Variants in CCDC185 observed in about 807,000 individuals in gnomAD.
The protein encoded by CCDC185 is coiled-coil domain containing 185.
For synonymous variants in CCDC185, 381 were observed against 348.1 expected (o/e 1.09, Z -1.05); for missense variants, 982 against 825.3 (o/e 1.19, Z -2.33).
In CCDC185 at chr1:223,393,678, C is replaced by T. The variant is rs772088817; in HGVS notation, c.203C>T (p.Pro68Leu). The change falls in exon 1 of 1, where the codon CCG (proline) becomes CTG (leucine). Residue 68 changes from proline to leucine, a missense_variant. Physicochemically the swap from Pro to Leu is moderately conservative, Grantham distance 98. Coordinates refer to ENST00000366875, the MANE Select transcript of CCDC185 (RefSeq NM_152610.3). This position sits in a 1 kb window ranked among gnomAD's most constrained non-coding sequence, Gnocchi z 4.8. ...CWLHPHCSFT[P>L]RPRRRGCSDS... ...CTGCACCCGCACTGTTCGTTCACCC[C>T]GCGGCCTCGCAGGCGCGGGTGCTCA... 7 of 1,571,328 alleles carry T rather than the reference C, an allele frequency of 4.5e-6. No homozygotes were observed. Among genetic ancestry groups the T allele is most frequent in the Admixed American group, 1.8e-5 (1 of 54,800 alleles).
chr1:223,393,947 A>G lies in CCDC185; in HGVS notation c.472A>G (p.Ser158Gly), dbSNP rs763476841. 5.5e-5 allele frequency: 88 copies of G among 1,613,594 alleles called. 2 individuals are homozygous for G. The South Asian group carries it at 9.7e-4, about 18-fold the overall frequency. The change falls in exon 1 of 1, where the codon AGT (serine) becomes GGT (glycine). Residue 158 changes from serine to glycine, a missense_variant. Ser to Gly is a moderately conservative substitution (Grantham distance 56, BLOSUM62 0). Coordinates refer to ENST00000366875, the MANE Select transcript of CCDC185 (RefSeq NM_152610.3). This position sits in a 1 kb window ranked among gnomAD's most constrained non-coding sequence, Gnocchi z 4.8. The part of the protein sequence containing the change: ...PCPGGAGTPL[S>G]GTFRVEKAQG... ...CCCCGGAGGAGCTGGCACTCCCCTG[A>G]GTGGCACATTCAGGGTAGAAAAGGC...
Position 223,395,165 on chromosome 1 carries a change from G to A in CCDC185, c.1690G>A (p.Ala564Thr), listed in dbSNP as rs749423893. ...EKCHIEGIKE[A>T]IKKKEQRVQH... ...GTGTCACATTGAGGGCATCAAGGAG[G>A]CCATTAAGAAAAAGGAGCAGAGGGT... is the stretch of plus-strand genomic sequence containing the variant. The change falls in exon 1 of 1, where the codon GCC becomes ACC. Residue 564 changes from alanine to threonine, a missense_variant. Coordinates refer to ENST00000366875, the MANE Select transcript of CCDC185 (RefSeq NM_152610.3). 7 of 1,613,984 alleles carry A rather than the reference G, an allele frequency of 4.3e-6. No individual in the cohort carries two copies. The highest frequency in any genetic ancestry group is 3.3e-5 in the Admixed American group (2 of 59,998).
In CCDC185 at chr1:223,395,443, A is replaced by G; in HGVS notation, c.*96A>G. ...GATTATAATTGAACATTGATTTTAA[A>G]AAAGCATGTAAAATAGCTGCAATTT... is the stretch of plus-strand genomic sequence containing the variant. On this transcript the variant is annotated 3_prime_UTR_variant, in exon 1 of 1. Coordinates refer to ENST00000366875, the MANE Select transcript of CCDC185 (RefSeq NM_152610.3). The G allele has an allele frequency of 1.6e-6, 2 of 1,254,170 alleles. No homozygotes were observed. The highest frequency in any genetic ancestry group is 2.1e-6 in the Non-Finnish European group (2 of 959,696). The allele number at this position is 1,254,170 out of a possible 1,614,324, so 77.7% of individuals were successfully genotyped here. A position where few individuals can be genotyped will look rare whatever the true frequency, so the allele number is the denominator to read the frequency against.
At position 223,394,821 on chromosome 1, in the gene CCDC185, A is replaced by C; in HGVS notation, c.1346A>C (p.Gln449Pro). ...CQAKAEELLR[Q>P]LSLEQSFQRS... Reference sequence around the variant, plus strand: ...GCCAAGGCTGAGGAGCTCCTTAGGCAGCTGTCCCTGGAACAAAGTTTCCAG... The same window carrying C: ...GCCAAGGCTGAGGAGCTCCTTAGGCCGCTGTCCCTGGAACAAAGTTTCCAG... The change falls in exon 1 of 1, where the codon CAG (glutamine) becomes CCG (proline). Residue 449 changes from glutamine to proline, a missense_variant. By Grantham distance (76) the Gln-to-Pro change is moderately conservative. Coordinates refer to ENST00000366875, the MANE Select transcript of CCDC185 (RefSeq NM_152610.3). 6.2e-7 allele frequency: 1 copy of C among 1,613,732 alleles called. No individual in the cohort carries two copies.
In CCDC185 at chr1:223,393,642, G is replaced by T. The variant is rs1212635744; in HGVS notation, c.167G>T (p.Gly56Val). The change falls in exon 1 of 1, where the codon GGG becomes GTG. Residue 56 changes from glycine to valine, a missense_variant. Transcript: ENST00000366875. The surrounding 1 kb of genome is among the most constrained non-coding windows in gnomAD (Gnocchi z 4.8). ...ACTCCGGGTGCGGAGAGCGAAGCTG[G>T]GGCGTGCTGGCTGCACCCGCACTGT... ...AGTPGAESEA[G>V]ACWLHPHCSF... 3.9e-6 allele frequency: 6 copies of T among 1,536,224 alleles called. No homozygotes were observed. Among genetic ancestry groups the T allele is most frequent in the African/African-American group, 1.4e-5 (1 of 72,190 alleles).
chr1:223,394,165 C>G lies in CCDC185; in HGVS notation c.690C>G (p.Ala230=). ...SLASRDSQPL[A]SSKEMRSPHT... is the part of the protein sequence containing the mutation. ...CCAGCCGGGACTCCCAGCCCTTGGC[C>G]TCCAGCAAAGAGATGCGGAGCCCGC... Residue 230 remains alanine (A), a synonymous_variant, in exon 1 of 1, where the codon GCC becomes GCG. Coordinates refer to ENST00000366875, the MANE Select transcript of CCDC185 (RefSeq NM_152610.3). 2 of 1,614,098 alleles carry G rather than the reference C, an allele frequency of 1.2e-6. No homozygotes were observed. Among genetic ancestry groups the G allele is most frequent in the Non-Finnish European group, 1.7e-6 (2 of 1,180,048 alleles).
the CCDC185 span, chr1:223,394,874 AG>A: frequency 8.1e-6 from 13 of 1,614,148 alleles, no homozygotes; most frequent in Non-Finnish European, 1.1e-5. Context: ...CCAGGGCCTG[AG>A]GAAGGAGCGG....
the CCDC185 span, chr1:223,395,100 A>AC: frequency 6.2e-7 from 1 of 1,614,172 alleles, no homozygotes; most frequent in Non-Finnish European, 8.5e-7. Flanking sequence ...AGGGAGAAAA[A>AC]CCACCACATC....
Position 223,394,791 on chromosome 1 carries a change from G to A in CCDC185, c.1316G>A (p.Cys439Tyr). The A allele has an allele frequency of 6.2e-7, 1 of 1,613,412 alleles. No homozygotes were observed. Among genetic ancestry groups the A allele is most frequent in the Non-Finnish European group, 8.5e-7 (1 of 1,179,502 alleles). ...CAGGCCCGGAAGGTCCTCATGGACT[G>A]CCAGGCCAAGGCTGAGGAGCTCCTT... Reference protein sequence around the residue: ...NYQARKVLMDCQAKAEELLRQ... With the variant: ...NYQARKVLMDYQAKAEELLRQ... Residue 439 changes from cysteine (C) to tyrosine (Y), a missense_variant, in exon 1 of 1, where the codon TGC becomes TAC. Transcript: ENST00000366875.
chr1:223,394,523 C>T lies in CCDC185; in HGVS notation c.1048C>T (p.Pro350Ser). Residue 350 changes from proline to serine, a missense_variant, in exon 1 of 1, where the codon CCA becomes TCA. Physicochemically the swap from Pro to Ser is moderately conservative, Grantham distance 74. Coordinates refer to ENST00000366875, the MANE Select transcript of CCDC185 (RefSeq NM_152610.3). The stretch of plus-strand genomic sequence containing the variant: ...GGGGGAAAGCCGGTGGAAGGAGCAA[C>T]CAGAGGACCAGGAGAGCCCGCGCCA... ...PPGESRWKEQPEDQESPRQEK... is the reference protein window; with the variant it reads ...PPGESRWKEQSEDQESPRQEK... 6.3e-7 allele frequency: 1 copy of T among 1,594,578 alleles called. No homozygotes were observed. The highest frequency in any genetic ancestry group is 8.5e-7 in the Non-Finnish European group (1 of 1,171,232).
chr1:223,393,698 TG>T, the CCDC185 span: 6 of 1,573,936 alleles, frequency 3.8e-6, no homozygotes, highest in Non-Finnish European at 5.2e-6. This position sits in a 1 kb window ranked among gnomAD's most constrained non-coding sequence, Gnocchi z 4.8. Context: ...CAGGCGCGGG[TG>T]CTCAGATTCA....
Position 223,395,301 on chromosome 1 carries a change from T to C in CCDC185, c.1826T>C (p.Val609Ala). Residue 609 changes from valine to alanine, a missense_variant, in exon 1 of 1, where the codon GTA (valine) becomes GCA (alanine). Transcript: ENST00000366875. ...APPNSSLDQM[V>A]LEAQLRACQQ... ...CCCAACAGCTCCCTTGATCAGATGG[T>C]ACTAGAGGCCCAGCTCCGTGCCTGT... 1.3e-6 allele frequency: 2 copies of C among 1,536,696 alleles called. No homozygotes were observed. The highest frequency in any genetic ancestry group is 8.7e-7 in the Non-Finnish European group (1 of 1,146,878).
Position 223,395,066 on chromosome 1 carries a change from C to A in CCDC185, c.1591C>A (p.His531Asn), listed in dbSNP as rs1250495228. ...VHKTTRDKVQ[H>N]LRELNHLREK... ...CAAGACCACTAGGGACAAGGTGCAG[C>A]ACCTCCGGGAGCTCAACCACCTGAG... is the stretch of plus-strand genomic sequence containing the variant. The change falls in exon 1 of 1, where the codon CAC becomes AAC. Residue 531 changes from histidine to asparagine, a missense_variant. By Grantham distance (68) the His-to-Asn change is moderately conservative. Coordinates refer to ENST00000366875, the MANE Select transcript of CCDC185 (RefSeq NM_152610.3). 1.2e-6 allele frequency: 2 copies of A among 1,613,360 alleles called. No individual in the cohort carries two copies. Among genetic ancestry groups the A allele is most frequent in the Non-Finnish European group, 1.7e-6 (2 of 1,179,824 alleles).
chr1:223,394,026 C>T lies in CCDC185; in HGVS notation c.551C>T (p.Ser184Phe). The T allele has an allele frequency of 6.2e-7, 1 of 1,614,140 alleles. No individual in the cohort carries two copies. Among genetic ancestry groups the T allele is most frequent in the Non-Finnish European group, 8.5e-7 (1 of 1,180,016 alleles). Residue 184 changes from serine (S) to phenylalanine (F), a missense_variant, in exon 1 of 1, where the codon TCC becomes TTC. By Grantham distance (155) the Ser-to-Phe change is radical. Transcript: ENST00000366875. ...VPLGRHLGRW[S>F]PSSVPSERSS... ...CTCGGCAGACATCTAGGTCGCTGGT[C>T]CCCTTCCTCAGTTCCCTCGGAGCGG...
In CCDC185 at chr1:223,393,878, T is replaced by C. The variant is rs778684998; in HGVS notation, c.403T>C (p.Cys135Arg). ...GCTGCCACCCCAGCGGCCGCAGCCC[T>C]GCCCGCATTACCCTCTGGCCCAGGG... ...TQLPPQRPQPCPHYPLAQGDS... is the reference protein window; with the variant it reads ...TQLPPQRPQPRPHYPLAQGDS... Residue 135 changes from cysteine to arginine, a missense_variant, in exon 1 of 1, where the codon TGC becomes CGC. Physicochemically the swap from Cys to Arg is radical, Grantham distance 180. Transcript: ENST00000366875. This position sits in a 1 kb window ranked among gnomAD's most constrained non-coding sequence, Gnocchi z 4.8. The C allele has an allele frequency of 1.2e-6, 2 of 1,608,700 alleles. No individual in the cohort carries two copies. The highest frequency in any genetic ancestry group is 1.7e-6 in the Non-Finnish European group (2 of 1,178,218).
Position 223,394,003 on chromosome 1 carries a change from C to A in CCDC185, c.528C>A (p.Leu176=). ...AQGGDQWAVP[L]GRHLGRWSPS... ...GTGGAGACCAGTGGGCAGTGCCACT[C>A]GGCAGACATCTAGGTCGCTGGTCCC... The change falls in exon 1 of 1, where the codon CTC becomes CTA. Residue 176 remains leucine (L), a synonymous_variant. Transcript: ENST00000366875. 1.9e-6 allele frequency: 3 copies of A among 1,614,076 alleles called. No homozygotes were observed. The highest frequency in any genetic ancestry group is 2.5e-6 in the Non-Finnish European group (3 of 1,180,000).
At position 223,395,421 on chromosome 1, in the gene CCDC185, T is replaced by A; in HGVS notation, c.*74T>A. ...AATGTGATTCCTTTTGTAATCTGATTATAATTGAACATTGATTTTAAAAAA... is the reference window on the plus strand; with the variant it reads ...AATGTGATTCCTTTTGTAATCTGATAATAATTGAACATTGATTTTAAAAAA... On this transcript the variant is annotated 3_prime_UTR_variant, in exon 1 of 1. Transcript: ENST00000366875. The A allele has an allele frequency of 7.4e-7, 1 of 1,352,336 alleles. No homozygotes were observed. Among genetic ancestry groups the A allele is most frequent in the East Asian group, 2.6e-5 (1 of 39,196 alleles). The allele number at this position is 1,352,336 out of a possible 1,614,324, so 83.8% of individuals were successfully genotyped here.
Position 223,394,012 on chromosome 1 carries a change from T to C in CCDC185, c.537T>C (p.His179=). ...AGTGGGCAGTGCCACTCGGCAGACA[T>C]CTAGGTCGCTGGTCCCCTTCCTCAG... ...GDQWAVPLGR[H]LGRWSPSSVP... The change falls in exon 1 of 1, where the codon CAT becomes CAC. Residue 179 remains histidine, a synonymous_variant. Coordinates refer to ENST00000366875, the MANE Select transcript of CCDC185 (RefSeq NM_152610.3). The C allele has an allele frequency of 6.2e-7, 1 of 1,614,082 alleles. No homozygotes were observed. The highest frequency in any genetic ancestry group is 8.5e-7 in the Non-Finnish European group (1 of 1,180,012).
At position 223,394,702 on chromosome 1, in the gene CCDC185, C is replaced by T. The variant is rs768340102; in HGVS notation, c.1227C>T (p.His409=). 3.1e-6 allele frequency: 5 copies of T among 1,611,720 alleles called. No individual in the cohort carries two copies. Among genetic ancestry groups the T allele is most frequent in the Admixed American group, 1.7e-5 (1 of 59,766 alleles). Reference sequence around the variant, plus strand: ...TGGTGGAAGCCTGTCGCAAGAGGCACCTACATGCCGTGGAGGGCCAGAAGA... The same window carrying T: ...TGGTGGAAGCCTGTCGCAAGAGGCATCTACATGCCGTGGAGGGCCAGAAGA... ...RRLVEACRKR[H]LHAVEGQKKV... The change falls in exon 1 of 1, where the codon CAC becomes CAT. Residue 409 remains histidine (H), a synonymous_variant. Transcript: ENST00000366875.
Sources: allele counts gnomAD v4.1 joint callset, GRCh38; gene constraint gnomAD v4.1.1; non-coding constraint Gnocchi (gnomAD v3.1); transcripts MANE v1.5; gene names NCBI Gene and HGNC (gene_info 2026-07-23, HGNC 2026-07-21).